PTPRN2: variants seen among roughly 807,000 people sequenced by gnomAD.
PTPRN2 encodes the protein receptor-type tyrosine-protein phosphatase N2.
Under a neutral mutation model 118.8 loss-of-function variants are expected in PTPRN2, and 74 were observed. The ratio of observed to expected loss-of-function variants is 0.62; its 90% CI spans 0.52 to 0.76. The LOEUF (loss-of-function observed/expected upper bound fraction) is 0.76, where lower values mean the gene tolerates loss of function less well. PTPRN2 is among the 30% of genes least tolerant of loss of function. PTPRN2 has a pLI of 0.00. For synonymous variants in PTPRN2, 641 were observed against 608.0 expected (o/e 1.05, Z -0.80); for missense variants, 1,481 against 1,394.4 (o/e 1.06, Z -0.99).
At chr7:157,570,163 G>C (rs756537477) in intron 20 of PTPRN2, among the ~76,000 whole-genome samples, 4 of 152,250 alleles carry the variant, frequency 2.6e-5, no homozygotes, top group African/African-American at 4.8e-5. Flanking sequence ...GGCCTGGGCC[G>C]CCACGTAACC....
chr7:157,684,780 C>G (rs1797093179), intron 12 of PTPRN2, among the ~76,000 whole-genome samples: 1 of 151,982 alleles, frequency 6.6e-6, no homozygotes, highest in South Asian at 2.1e-4. Context: ...GCCACCTCCC[C>G]CGGGCCGGGG....
intron 2 of PTPRN2, among the ~76,000 whole-genome samples, chr7:158,386,074 T>C (rs34233730): frequency 0.91 from 50,034 of 54,816 alleles, 22,785 homozygotes; most frequent in Admixed American, 0.94. Flanking sequence ...TTCTGTACCC[T>C]TCCTCCCTCC....
chr7:158,381,286 C>G (rs1414160850), intron 2 of PTPRN2, among the ~76,000 whole-genome samples: 1 of 152,200 alleles, frequency 6.6e-6, no homozygotes, highest in East Asian at 1.9e-4. Context: ...CCCTACAAAA[C>G]CAAGCACCCA....
rs78763423 is a variant in PTPRN2 at position 157,606,651 on chromosome 7, C to T, written c.2345-2576G>A. Among the ~76,000 whole-genome samples the T allele has an allele frequency of 8.1e-3, 1,231 of 152,354 alleles. 16 individuals carry two copies. The highest frequency in any genetic ancestry group is 0.028 in the African/African-American group (1,173 of 41,572). ...TGGACCTGTGGCCAAACTCCAAACT[C>T]GCTGCGCACCTCCTGTGGGCGCTGG... On this transcript the variant is annotated intron_variant, in intron 15 of 22. Transcript: ENST00000389418.
intron 2 of PTPRN2, among the ~76,000 whole-genome samples, chr7:158,467,909 G>A (rs1214913533): frequency 1.3e-5 from 2 of 152,190 alleles, no homozygotes; most frequent in Non-Finnish European, 2.9e-5. Context: ...TTACACTGTG[G>A]CAAGCTGTTC....
intron 12 of PTPRN2, among the ~76,000 whole-genome samples, chr7:157,847,497 C>T (rs2151197563): frequency 6.8e-6 from 1 of 148,000 alleles, no homozygotes. Flanking sequence ...AGAGCCCTCT[C>T]TCACTCCATC....
chr7:158,517,999 G>A lies in PTPRN2; in HGVS notation c.113-28214C>T, dbSNP rs1348348953. 6.6e-6 allele frequency among the ~76,000 whole-genome samples: 1 copy of A among 152,190 alleles called. No individual in the cohort carries two copies. The highest frequency in any genetic ancestry group is 1.5e-5 in the Non-Finnish European group (1 of 68,028). On this transcript the variant is annotated intron_variant, in intron 1 of 22. Transcript: ENST00000389418. This position sits in a 1 kb window ranked among gnomAD's most constrained non-coding sequence, Gnocchi z 5.3. ...ATTCCTGACCGGGCGGGGCACCCCT[G>A]CAACATTCTCCCAGCTCCCTGGACT...
At chr7:158,087,311 G>A (rs1040614551) in intron 10 of PTPRN2, among the ~76,000 whole-genome samples, 2 of 152,192 alleles carry the variant, frequency 1.3e-5, no homozygotes, top group Admixed American at 6.5e-5. Flanking sequence ...TCTCTTTCCC[G>A]ACCCTGGACC....
rs80103374 is a variant in PTPRN2, at chr7:158,357,735, A to G, written c.164-40803T>C. Among the ~76,000 whole-genome samples, 1,419 of 152,330 alleles carry G rather than the reference A, an allele frequency of 9.3e-3. 56 individuals are homozygous for G. Among genetic ancestry groups the G allele is most frequent in the East Asian group, 0.089 (460 of 5,174 alleles). On this transcript the variant is annotated intron_variant, in intron 2 of 22. Transcript: ENST00000389418. ...TATGTCCCGTAAGGTTCCAGGGACC[A>G]TTCCGGGGAGAAAGAAGGGCCTGGT...
intron 11 of PTPRN2, among the ~76,000 whole-genome samples, chr7:158,071,435 G>GGTGGTGGAGGTGCTC (rs879218735): frequency 0.1 from 4,128 of 40,516 alleles, 612 homozygotes; most frequent in East Asian, 0.25. Context: ...AGGTGCTCGT[G>GGTGGTGGAGGTGCTC]GTGGTGGAGG....
At chr7:158,395,916 A>C (rs1292361288) in intron 2 of PTPRN2, among the ~76,000 whole-genome samples, 2 of 152,018 alleles carry the variant, frequency 1.3e-5, no homozygotes, top group Non-Finnish European at 2.9e-5. Flanking sequence ...AGCCTGCAGC[A>C]GGTGAGGTCG....
intron 9 of PTPRN2, among the ~76,000 whole-genome samples, chr7:158,121,510 CA>C (rs1294397078): frequency 6.6e-6 from 1 of 152,190 alleles, no homozygotes; most frequent in Non-Finnish European, 1.5e-5. Flanking sequence ...GAGCATAAGC[CA>C]ACTTCCCAAT....
At chr7:158,128,618 G>GCCCTCCTGTCCTTCCCT (rs1393160790) in intron 9 of PTPRN2, among the ~76,000 whole-genome samples, 1 of 152,158 alleles carries the variant, frequency 6.6e-6, no homozygotes, top group African/African-American at 2.4e-5. Flanking sequence ...GCAGACAGGG[G>GCCCTCCTGTCCTTCCCT]CCCTCCTGTC....
At chr7:158,397,670 G>C (rs1456784785) in intron 2 of PTPRN2, among the ~76,000 whole-genome samples, 1 of 152,168 alleles carries the variant, frequency 6.6e-6, no homozygotes, top group African/African-American at 2.4e-5. Context: ...GTCACTCTGT[G>C]CCTCCACTTC....
intron 5 of PTPRN2, among the ~76,000 whole-genome samples, chr7:158,171,000 TATATATATACACATACATATATATACAC>T (rs1460026503): frequency 6.7e-5 from 10 of 148,340 alleles, no homozygotes; most frequent in Non-Finnish European, 1.5e-4. Context: ...TACACATACA[TATATATATACACATACATATATATACAC>T]ATATATATAC....
chr7:157,571,431 T>A lies in PTPRN2; in HGVS notation c.2837+9A>T. ...CAAAACTTCTTAATCCATTAAAAGT[T>A]GTACTTGCCTGCAATGAACAATTAT... On this transcript the variant is annotated intron_variant, in intron 20 of 22. Transcript: ENST00000389418. 1 of 1,600,958 alleles carries A rather than the reference T, an allele frequency of 6.2e-7. No homozygotes were observed. The highest frequency in any genetic ancestry group is 8.5e-7 in the Non-Finnish European group (1 of 1,172,220).
At chr7:158,071,158 C>CATG (rs1366038284) in intron 11 of PTPRN2, among the ~76,000 whole-genome samples, 3 of 24,864 alleles carry the variant, frequency 1.2e-4, no homozygotes, top group African/African-American at 4.0e-4. Flanking sequence ...TGGAGGTGCT[C>CATG]GTGGTGGAGG....
At chr7:158,147,769 G>A (rs1213569898) in intron 6 of PTPRN2, among the ~76,000 whole-genome samples, 4 of 86,952 alleles carry the variant, frequency 4.6e-5, no homozygotes, top group African/African-American at 6.0e-5. Context: ...CCCACCTCAC[G>A]CCACGTGTTA....
In PTPRN2 at chr7:157,580,367, G is replaced by A. The variant is rs56145946; in HGVS notation, c.2497-2227C>T. Among the ~76,000 whole-genome samples the A allele has an allele frequency of 6.7e-3, 1,012 of 152,176 alleles. 6 individuals are homozygous for A. Among genetic ancestry groups the A allele is most frequent in the Non-Finnish European group, 0.01 (689 of 67,982 alleles). ...TGAATTCCAGAAATGACCATTACTG[G>A]CACTTCCTGTTTGGTGAAGGGTAAG... On this transcript the variant is annotated intron_variant, in intron 17 of 22. Coordinates refer to ENST00000389418, the MANE Select transcript of PTPRN2 (RefSeq NM_002847.5).
Sources: allele counts gnomAD v4.1 joint callset (sites outside exome capture counted in the v4.1 genomes callset), GRCh38; gene constraint gnomAD v4.1.1; non-coding constraint Gnocchi (gnomAD v3.1); transcripts MANE v1.5; gene names NCBI Gene and HGNC (gene_info 2026-07-23, HGNC 2026-07-21).